Variants in SEMA3A observed in about 807,000 individuals in gnomAD.
SEMA3A encodes semaphorin 3A, also known as semaphorin-3A.
Under a neutral mutation model 97.9 loss-of-function variants are expected in SEMA3A, and 29 were observed. That is an observed-to-expected ratio of 0.30 (90% CI 0.22 to 0.40). The LOEUF (loss-of-function observed/expected upper bound fraction) is 0.40. SEMA3A is among the 10% of genes least tolerant of loss of function. The pLI, the probability that SEMA3A is intolerant of heterozygous loss-of-function variation, is 1.00. For missense variants in SEMA3A, 763 were observed against 951.3 expected (o/e 0.80, Z 2.60); for synonymous variants, 321 against 323.7 (o/e 0.99, Z 0.09).
chr7:84,407,432 T>C (rs1339769789), intron 1 of SEMA3A, among the ~76,000 whole-genome samples: 1 of 151,986 alleles, frequency 6.6e-6, no homozygotes, highest in Admixed American at 6.6e-5. Context: ...TGCTCATGGG[T>C]AGGAAGAATC....
intron 3 of SEMA3A, among the ~76,000 whole-genome samples, chr7:84,204,480 G>T (rs1798438595): frequency 6.6e-6 from 1 of 152,074 alleles, no homozygotes; most frequent in African/African-American, 2.4e-5. Flanking sequence ...CTGGGCATCA[G>T]AATTGAACAT....
intron 6 of SEMA3A, among the ~76,000 whole-genome samples, chr7:84,034,204 G>A (rs889810555): frequency 6.6e-6 from 1 of 151,882 alleles, no homozygotes; most frequent in Non-Finnish European, 1.5e-5. Flanking sequence ...GGCTGGTCTC[G>A]AACTACTGAT....
chr7:84,488,720 A>G (rs1806647036), intron 1 of SEMA3A, among the ~76,000 whole-genome samples: 1 of 152,136 alleles, frequency 6.6e-6, no homozygotes, highest in Non-Finnish European at 1.5e-5. Flanking sequence ...TTCTTTACCT[A>G]TAGTCAAACC....
chr7:84,018,203 CCTT>C (rs1791181884), intron 6 of SEMA3A, among the ~76,000 whole-genome samples: 1 of 152,124 alleles, frequency 6.6e-6, no homozygotes. Context: ...ATAACTCCCT[CCTT>C]TTCCTTCCTT....
chr7:84,256,429 T>C (rs1178764229), intron 3 of SEMA3A, among the ~76,000 whole-genome samples: 1 of 152,058 alleles, frequency 6.6e-6, no homozygotes, highest in Non-Finnish European at 1.5e-5. Flanking sequence ...TTAAAGCCAT[T>C]ATTTCAATCA....
intron 1 of SEMA3A, among the ~76,000 whole-genome samples, chr7:84,172,131 C>A (rs185306009): frequency 3.3e-5 from 5 of 152,240 alleles, no homozygotes; most frequent in Admixed American, 2.0e-4. Context: ...ATTAAATAGA[C>A]CTTCGCTCTC....
At chr7:84,136,384 A>C (rs1796125168) in intron 1 of SEMA3A, among the ~76,000 whole-genome samples, 1 of 152,106 alleles carries the variant, frequency 6.6e-6, no homozygotes, top group African/African-American at 2.4e-5. Context: ...TAAAATTCAT[A>C]CTCTTTAACT....
At chr7:84,368,842 AAC>A (rs1296753940) in intron 2 of SEMA3A, among the ~76,000 whole-genome samples, 1 of 150,956 alleles carries the variant, frequency 6.6e-6, no homozygotes, top group African/African-American at 2.4e-5. Flanking sequence ...TATACACAAA[AAC>A]ACATATATAG....
intron 1 of SEMA3A, among the ~76,000 whole-genome samples, chr7:84,135,799 G>T (rs1454861136): frequency 6.6e-6 from 1 of 152,086 alleles, no homozygotes; most frequent in East Asian, 1.9e-4. Flanking sequence ...TTTTGGAGCT[G>T]ATATATAGAG....
intron 7 of SEMA3A, among the ~76,000 whole-genome samples, chr7:84,013,010 T>G (rs1790946319): frequency 6.6e-6 from 1 of 152,154 alleles, no homozygotes; most frequent in Non-Finnish European, 1.5e-5. Context: ...ATTGAAAACT[T>G]TTAATTTTTC....
rs201336956 is a variant in SEMA3A at position 84,462,824 on chromosome 7, CAGAT to C, written c.-246+29632_-246+29635del. ...CTATAGCTATAGATAGATAGACAGA[CAGAT>C]AGATAGATAGATAGATAGCAGTTGT... On this transcript the variant is annotated intron_variant, in intron 1 of 3. Transcript: ENST00000424555. 5.3e-5 allele frequency among the ~76,000 whole-genome samples: 8 copies of C among 152,004 alleles called. No individual in the cohort carries two copies. The South Asian group carries it at 6.2e-4, about 12-fold the overall frequency.
intron 1 of SEMA3A, among the ~76,000 whole-genome samples, chr7:84,410,027 A>T (rs1804217749): frequency 6.6e-6 from 1 of 152,078 alleles, no homozygotes; most frequent in South Asian, 2.1e-4. Flanking sequence ...AGGGAGTAGC[A>T]TTGGTTATAG....
intron 1 of SEMA3A, among the ~76,000 whole-genome samples, chr7:84,187,122 A>T (rs1042143693): frequency 6.6e-6 from 1 of 152,172 alleles, no homozygotes; most frequent in Non-Finnish European, 1.5e-5. Context: ...AAGGCTCTGA[A>T]CTGCTAAATC....
intron 6 of SEMA3A, among the ~76,000 whole-genome samples, chr7:84,021,610 A>T (rs1791332050): frequency 6.6e-6 from 1 of 152,200 alleles, no homozygotes; most frequent in South Asian, 2.1e-4. Flanking sequence ...CACAATTAGA[A>T]TCTATAAAAC....
At chr7:84,038,983 T>C (rs2116482093) in intron 6 of SEMA3A, among the ~76,000 whole-genome samples, 1 of 152,260 alleles carries the variant, frequency 6.6e-6, no homozygotes, top group East Asian at 1.9e-4. Context: ...CACATAATGA[T>C]AGTAGCTATC....
At chr7:84,444,509 C>T (rs913377788) in intron 1 of SEMA3A, among the ~76,000 whole-genome samples, 3 of 151,560 alleles carry the variant, frequency 2.0e-5, no homozygotes, top group African/African-American at 7.3e-5. Context: ...TTGCTGTGGG[C>T]TTCATCTTCA....
chr7:84,139,357 C>T (rs915826649), intron 1 of SEMA3A, among the ~76,000 whole-genome samples: 4 of 151,932 alleles, frequency 2.6e-5, no homozygotes, highest in African/African-American at 4.8e-5. Context: ...CATGCTGTGT[C>T]GAGCTATAAG....
At chr7:84,011,985 C>G (rs370368027) in intron 7 of SEMA3A, among the ~76,000 whole-genome samples, 6 of 151,750 alleles carry the variant, frequency 4.0e-5, no homozygotes. Flanking sequence ...AAGACAAGCA[C>G]GGAAAGACAA....
At chr7:84,193,457 C>T (rs1160206809) in intron 1 of SEMA3A, among the ~76,000 whole-genome samples, 1 of 151,944 alleles carries the variant, frequency 6.6e-6, no homozygotes, top group Non-Finnish European at 1.5e-5. Flanking sequence ...TGCTCCACCC[C>T]CAATTTTAGA....
Sources: allele counts gnomAD v4.1 joint callset (sites outside exome capture counted in the v4.1 genomes callset), GRCh38; gene constraint gnomAD v4.1.1; transcripts MANE v1.5; gene names NCBI Gene and HGNC (gene_info 2026-07-23, HGNC 2026-07-21).